The following DPP6 variants were observed in gnomAD, a reference collection of about 807,000 sequenced individuals.
DPP6 encodes dipeptidyl peptidase like 6.
In DPP6, 69 loss-of-function variants were observed where a neutral mutation model predicts 122.6. The observed-to-expected ratio is 0.56, with a 90% CI of 0.46 to 0.69. The LOEUF (loss-of-function observed/expected upper bound fraction) is 0.69, where lower values mean the gene tolerates loss of function less well. Among genes scored for constraint, DPP6 ranks in the 30% least tolerant of loss-of-function variants. The pLI, the probability that DPP6 is intolerant of heterozygous loss-of-function variation, is 0.00. For synonymous variants in DPP6, 418 were observed against 433.1 expected, an observed-to-expected ratio of 0.97 and a Z score of 0.43; for missense variants, 928 against 1,116.9, an observed-to-expected ratio of 0.83 and a Z score of 2.41.
At chr7:154,062,321 A>AG (rs1365592681) in intron 1 of DPP6, among the ~76,000 whole-genome samples, 1 of 64,202 alleles carries the variant, frequency 1.6e-5, no homozygotes, top group Admixed American at 1.7e-4. Context: ...CCCCCATCGC[A>AG]GGAGGGGGAG....
chr7:154,071,958 CT>C (rs528155773), intron 1 of DPP6, among the ~76,000 whole-genome samples: 1 of 152,258 alleles, frequency 6.6e-6, no homozygotes, highest in South Asian at 2.1e-4. Flanking sequence ...TACAATCCCC[CT>C]AGTAGCTAAT....
chr7:154,701,025 C>G (rs185518252), intron 7 of DPP6, among the ~76,000 whole-genome samples: 102 of 152,290 alleles, frequency 6.7e-4, no homozygotes, highest in African/African-American at 2.1e-3. Context: ...CCATCACCCC[C>G]CATCTGCCTG....
At chr7:154,757,308 A>G (rs752183668) in intron 8 of DPP6, among the ~76,000 whole-genome samples, 4 of 151,478 alleles carry the variant, frequency 2.6e-5, no homozygotes, top group East Asian at 1.9e-4. Flanking sequence ...CTCCTTTCCA[A>G]TGGGTGTGCA....
the DPP6 span, among the ~76,000 whole-genome samples, chr7:153,784,586 C>G: frequency 6.6e-6 from 1 of 152,138 alleles, no homozygotes. Flanking sequence ...TGCCTTATGA[C>G]TTTCATTTTA....
At chr7:154,146,824 G>A (rs113019451) in intron 1 of DPP6, among the ~76,000 whole-genome samples, 1,865 of 147,888 alleles carry the variant, frequency 0.013, 20 homozygotes, top group African/African-American at 0.046. Context: ...CGGCTGCCAG[G>A]CAGGGCCCTG....
At chr7:154,318,800 C>A (rs1303159158) in intron 1 of DPP6, among the ~76,000 whole-genome samples, 2 of 152,030 alleles carry the variant, frequency 1.3e-5, no homozygotes, top group African/African-American at 2.4e-5. Flanking sequence ...TATACCCCAC[C>A]CCCCCCAAGC....
intron 1 of DPP6, among the ~76,000 whole-genome samples, chr7:154,089,970 G>A (rs1348950678): frequency 1.3e-5 from 2 of 152,188 alleles, no homozygotes; most frequent in Non-Finnish European, 2.9e-5. Context: ...TTTATTATGA[G>A]GAATTCAAGT....
At chr7:153,961,942 T>C (rs1229542967) in intron 1 of DPP6, among the ~76,000 whole-genome samples, 1 of 149,314 alleles carries the variant, frequency 6.7e-6, no homozygotes, top group Non-Finnish European at 1.5e-5. Flanking sequence ...ATGGCTCAAG[T>C]TGGGGACCCC....
At chr7:153,855,117 T>G in the DPP6 span, among the ~76,000 whole-genome samples, 1 of 136,758 alleles carries the variant, frequency 7.3e-6, no homozygotes, top group African/African-American at 2.7e-5. Context: ...AGGGATAGCA[T>G]TGGGAGATAT....
At chr7:154,083,158 C>G (rs966500904) in intron 1 of DPP6, among the ~76,000 whole-genome samples, 5 of 151,896 alleles carry the variant, frequency 3.3e-5, no homozygotes, top group Non-Finnish European at 5.9e-5. Flanking sequence ...CTGTGCCTAT[C>G]GTTTAACTGA....
intron 2 of DPP6, among the ~76,000 whole-genome samples, chr7:154,459,331 T>G (rs34447336): frequency 0.015 from 2,343 of 152,294 alleles, 67 homozygotes; most frequent in East Asian, 0.13. Flanking sequence ...ATTTCCCTAT[T>G]GGGAGCACAC....
chr7:154,564,039 C>T (rs1830589225), intron 4 of DPP6, among the ~76,000 whole-genome samples: 1 of 152,092 alleles, frequency 6.6e-6, no homozygotes, highest in Non-Finnish European at 1.5e-5. Flanking sequence ...TGAAAAGAAC[C>T]AGCGAGGGAG....
the DPP6 span, among the ~76,000 whole-genome samples, chr7:153,789,280 A>G: frequency 6.6e-6 from 1 of 152,246 alleles, no homozygotes; most frequent in Non-Finnish European, 1.5e-5. Flanking sequence ...AAGAAGAAAC[A>G]TAATTTGTAA....
chr7:154,049,240 C>G (rs1298992340), upstream of DPP6, among the ~76,000 whole-genome samples: 1 of 141,524 alleles, frequency 7.1e-6, no homozygotes, highest in Non-Finnish European at 1.5e-5. Flanking sequence ...TTCCGAACCA[C>G]TACACCTATT....
chr7:154,404,835 A>G (rs1014474299), intron 1 of DPP6, among the ~76,000 whole-genome samples: 3 of 152,224 alleles, frequency 2.0e-5, no homozygotes, highest in Non-Finnish European at 4.4e-5. Flanking sequence ...TTCCACGTCT[A>G]GAAATTTATT....
Position 154,861,707 on chromosome 7 carries a change from G to A in DPP6, c.1715-6288G>A, listed in dbSNP as rs555194711. On this transcript the variant is annotated intron_variant, in intron 17 of 25. Transcript: ENST00000377770. Reference sequence around the variant, plus strand: ...TTGTTGGACATAAAAAGTTATGATTGCTCTGAGATGCATCTCTTAGCGAGC... The same window carrying A: ...TTGTTGGACATAAAAAGTTATGATTACTCTGAGATGCATCTCTTAGCGAGC... Among the ~76,000 whole-genome samples, 10 of 152,292 alleles carry A rather than the reference G, an allele frequency of 6.6e-5. No homozygotes were observed. The South Asian group carries it at 1.0e-3, about 16-fold the overall frequency.
intron 8 of DPP6, among the ~76,000 whole-genome samples, chr7:154,745,961 G>T (rs1843018221): frequency 6.6e-6 from 1 of 152,150 alleles, no homozygotes; most frequent in African/African-American, 2.4e-5. Context: ...GTTTGGAGGG[G>T]ACAGGAAGCC....
intron 10 of DPP6, among the ~76,000 whole-genome samples, chr7:154,775,405 A>G (rs1033762864): frequency 2.0e-5 from 3 of 152,058 alleles, no homozygotes; most frequent in Non-Finnish European, 4.4e-5. Context: ...GTGTACCTCA[A>G]CCTGGCCTGG....
intron 7 of DPP6, among the ~76,000 whole-genome samples, chr7:154,689,250 G>A (rs180815801): frequency 2.0e-5 from 3 of 152,340 alleles, no homozygotes; most frequent in Admixed American, 2.0e-4. Flanking sequence ...ACCTTGGTCA[G>A]TTTCAGGAAG....
Sources: gnomAD v4.1 joint callset for allele counts (sites outside exome capture counted in the v4.1 genomes callset) on GRCh38, gnomAD v4.1.1 for gene constraint, MANE v1.5 for transcripts, NCBI Gene and HGNC (gene_info 2026-07-23, HGNC 2026-07-21) for gene names.